PCCB: variants seen among roughly 807,000 people sequenced by gnomAD.
PCCB encodes propionyl-CoA carboxylase beta chain, mitochondrial.
A neutral mutation model predicts 60.7 loss-of-function variants in PCCB; 43 were observed. The observed-to-expected ratio is 0.71, with a 90% CI of 0.55 to 0.91. The LOEUF is 0.91. PCCB is among the 40% of genes least tolerant of loss of function. PCCB has a pLI of 0.00. For synonymous variants in PCCB, 276 were observed against 255.9 expected, an observed-to-expected ratio of 1.08 and a Z score of -0.75; for missense variants, 766 against 702.8, an observed-to-expected ratio of 1.09 and a Z score of -1.02.
chr3:136,274,978 T>G lies in PCCB; in HGVS notation c.544-8859T>G, dbSNP rs574053975. 6.6e-5 allele frequency among the ~76,000 whole-genome samples: 10 copies of G among 152,048 alleles called. No homozygotes were observed. The South Asian group carries it at 2.1e-3, about 32-fold the overall frequency. ...GGCACATGCCACCACTCCCGGCTAA[T>G]TTTTATGTTTTTTTTGTAGAGATGG... On this transcript the variant is annotated intron_variant, in intron 5 of 14. Coordinates refer to ENST00000251654, the MANE Select transcript of PCCB (RefSeq NM_000532.5).
intron 10 of PCCB, among the ~76,000 whole-genome samples, chr3:136,320,075 C>G (rs545380938): frequency 6.6e-6 from 1 of 152,280 alleles, no homozygotes; most frequent in African/African-American, 2.4e-5. Context: ...GTCCATATTC[C>G]AGTGTCACAC....
At chr3:136,274,013 T>G (rs1942277094) in intron 5 of PCCB, among the ~76,000 whole-genome samples, 2 of 151,790 alleles carry the variant, frequency 1.3e-5, no homozygotes, top group South Asian at 4.2e-4. Flanking sequence ...TGAGGTTATA[T>G]GAATCCTTAT....
At position 136,301,096 on chromosome 3, in the gene PCCB, G is replaced by A. The variant is rs1366112071; in HGVS notation, c.951G>A (p.Val317=). ...AATCAACCAAAGCCTACAACATGGTGGACATCATACACTCTGTAAGTGCCA... is the reference window on the plus strand; with the variant it reads ...AATCAACCAAAGCCTACAACATGGTAGACATCATACACTCTGTAAGTGCCA... The part of the protein sequence containing the change: ...PLESTKAYNM[V]DIIHSVVDER... The change falls in exon 9 of 15, where the codon GTG becomes GTA. Residue 317 remains valine (V), a synonymous_variant. Transcript: ENST00000251654. 6.2e-7 allele frequency: 1 copy of A among 1,613,410 alleles called. No homozygotes were observed. Among genetic ancestry groups the A allele is most frequent in the Non-Finnish European group, 8.5e-7 (1 of 1,179,310 alleles).
At chr3:136,291,680 G>A (rs1042148486) in intron 6 of PCCB, among the ~76,000 whole-genome samples, 12 of 152,188 alleles carry the variant, frequency 7.9e-5, no homozygotes, top group African/African-American at 2.4e-4. Context: ...TTCTTCCCTC[G>A]CGTCAGCAGT....
At chr3:136,254,936 G>A (rs1941629485) in intron 1 of PCCB, among the ~76,000 whole-genome samples, 1 of 150,462 alleles carries the variant, frequency 6.6e-6, no homozygotes, top group African/African-American at 2.5e-5. Context: ...GTGCAATGGT[G>A]CACAATCTCG....
intron 8 of PCCB, among the ~76,000 whole-genome samples, chr3:136,299,854 GCATA>G (rs1167471866): frequency 1.3e-5 from 2 of 151,536 alleles, no homozygotes; most frequent in East Asian, 2.0e-4. Context: ...GTATATGCAT[GCATA>G]TGTATGTATA....
intron 5 of PCCB, among the ~76,000 whole-genome samples, chr3:136,273,281 A>G (rs1433909831): frequency 5.9e-5 from 9 of 152,144 alleles, no homozygotes; most frequent in Admixed American, 5.9e-4. Flanking sequence ...AGAAGAATGT[A>G]TATTCTGCAG....
chr3:136,285,783 A>T (rs1933374164), intron 6 of PCCB, among the ~76,000 whole-genome samples: 1 of 152,130 alleles, frequency 6.6e-6, no homozygotes, highest in Admixed American at 6.5e-5. Context: ...TCTGTGTTTT[A>T]TTCTAAGCAA....
chr3:136,326,304 C>A, intron 10 of PCCB: 1 of 702,388 alleles, frequency 1.4e-6, no homozygotes, highest in South Asian at 1.5e-5. Flanking sequence ...TAATTGAGCT[C>A]CTACTCTGTG....
intron 5 of PCCB, among the ~76,000 whole-genome samples, chr3:136,283,388 G>A (rs1942528522): frequency 1.3e-5 from 2 of 152,124 alleles, no homozygotes; most frequent in African/African-American, 4.8e-5. Context: ...GTACCCTTGC[G>A]TGCCTTCTGT....
chr3:136,324,340 G>A (rs1275629320), intron 10 of PCCB, among the ~76,000 whole-genome samples: 4 of 152,168 alleles, frequency 2.6e-5, no homozygotes, highest in African/African-American at 9.7e-5. Flanking sequence ...TCTTGAAATT[G>A]TCTCTGTGTT....
chr3:136,256,416 G>A, intron 2 of PCCB, 139 bp from the exon 3 acceptor site: 1 of 704,972 alleles, frequency 1.4e-6, no homozygotes, highest in Middle Eastern at 2.4e-4. Context: ...AGTGGGGTGG[G>A]ATTCCTTCAT....
intron 9 of PCCB, 105 bp downstream of exon 9, chr3:136,301,216 G>T: frequency 2.3e-6 from 2 of 859,890 alleles, no homozygotes; most frequent in South Asian, 2.7e-5. Flanking sequence ...CTCCATGTCA[G>T]ACAGCACAGG....
At chr3:136,286,946 G>A (rs1933438804) in intron 6 of PCCB, among the ~76,000 whole-genome samples, 1 of 151,638 alleles carries the variant, frequency 6.6e-6, no homozygotes, top group Non-Finnish European at 1.5e-5. Flanking sequence ...CAGGAGAATC[G>A]CTTCAACCTG....
intron 5 of PCCB, among the ~76,000 whole-genome samples, chr3:136,273,578 CTTTTTTTTTTTCTTTTTTCTTTTTT>C (rs1461355994): frequency 5.2e-4 from 31 of 59,204 alleles, no homozygotes; most frequent in African/African-American, 1.7e-3. Context: ...CTTTTTCTTT[CTTTTTTTTTTTCTTTTTTCTTTTTT>C]TTTTTTTTTT....
chr3:136,251,010 T>G (rs998854370), intron 1 of PCCB, among the ~76,000 whole-genome samples: 14 of 152,160 alleles, frequency 9.2e-5, no homozygotes, highest in Admixed American at 5.9e-4. Context: ...AAACTGAACT[T>G]GGGCATACTC....
At chr3:136,284,948 C>T (rs945032581) in intron 6 of PCCB, among the ~76,000 whole-genome samples, 2 of 151,742 alleles carry the variant, frequency 1.3e-5, no homozygotes, top group South Asian at 2.1e-4. Context: ...ATTAGCTGGG[C>T]GTGGTGGTGC....
intron 9 of PCCB, among the ~76,000 whole-genome samples, chr3:136,306,528 A>C (rs1340803798): frequency 4.9e-5 from 6 of 123,040 alleles, no homozygotes; most frequent in African/African-American, 1.2e-4. Context: ...TAGATTTTAC[A>C]TTCTCACCAC....
At chr3:136,307,291 T>G (rs562725533) in intron 9 of PCCB, among the ~76,000 whole-genome samples, 6 of 67,380 alleles carry the variant, frequency 8.9e-5, no homozygotes, top group African/African-American at 1.8e-4. Context: ...TTGGTAGTGA[T>G]TATCTAATAT....
Sources: gnomAD v4.1 joint callset for allele counts (sites outside exome capture counted in the v4.1 genomes callset) on GRCh38, gnomAD v4.1.1 for gene constraint, MANE v1.5 for transcripts, NCBI Gene and HGNC (gene_info 2026-07-23, HGNC 2026-07-21) for gene names.